TNFRSF10A: variants seen among roughly 807,000 people sequenced by gnomAD.
TNFRSF10A encodes the protein TNF receptor superfamily member 10a.
A neutral mutation model predicts 42.8 loss-of-function variants in TNFRSF10A; 44 were observed. The ratio of observed to expected loss-of-function variants is 1.03; its 90% CI spans 0.81 to 1.32. TNFRSF10A has a LOEUF of 1.32. Among genes scored for constraint, TNFRSF10A ranks in the 40% most tolerant of loss-of-function variants. The pLI is 0.00. For missense variants in TNFRSF10A, 680 were observed against 602.0 expected, an observed-to-expected ratio of 1.13 and a Z score of -1.36; for synonymous variants, 259 against 234.2, an observed-to-expected ratio of 1.11 and a Z score of -0.97.
At position 23,202,761 on chromosome 8, in the gene TNFRSF10A, C is replaced by T; in HGVS notation, c.404G>A (p.Gly135Glu). The part of the protein sequence containing the change: ...HSPLGELCPP[G>E]SHRSEHPGAC... Reference sequence around the variant, plus strand: ...TCCAGGATGTTCTGATCTATGAGATCCTGGGAAGGGAGAGAAAAGCCAATG... The same window carrying T: ...TCCAGGATGTTCTGATCTATGAGATTCTGGGAAGGGAGAGAAAAGCCAATG... The change falls in exon 3 of 10, where the codon GGA becomes GAA. Residue 135 changes from glycine to glutamate, a missense_variant and splice_region_variant. Coordinates refer to ENST00000221132, the MANE Select transcript of TNFRSF10A (RefSeq NM_003844.4). The T allele has an allele frequency of 6.2e-7, 1 of 1,606,644 alleles. No homozygotes were observed. The highest frequency in any genetic ancestry group is 8.5e-7 in the Non-Finnish European group (1 of 1,173,366).
chr8:23,218,636 A>G (rs1368848358), intron 1 of TNFRSF10A, among the ~76,000 whole-genome samples: 1 of 148,596 alleles, frequency 6.7e-6, no homozygotes, highest in Non-Finnish European at 1.5e-5. Context: ...GCTTTACATG[A>G]CTTCTCAGGT....
intron 1 of TNFRSF10A, among the ~76,000 whole-genome samples, chr8:23,224,130 G>A (rs1461695214): frequency 6.6e-6 from 1 of 151,406 alleles, no homozygotes; most frequent in East Asian, 1.9e-4. Context: ...GAAACCCCGT[G>A]ACTACTAAAA....
chr8:23,199,994 A>G, intron 6 of TNFRSF10A, 77 bp from the exon 7 acceptor site: 2 of 791,426 alleles, frequency 2.5e-6, no homozygotes, highest in Non-Finnish European at 4.1e-6. Flanking sequence ...AGTGTTGGGC[A>G]GGGGTGGGCT....
rs532634964 is a variant in TNFRSF10A at position 23,215,333 on chromosome 8, T to C, written c.307-3121A>G. ...GAGTTCAAGACCAGCCTGGCCAACA[T>C]GGTGAAACCCCGTCTCTACTAAAAA... is the stretch of plus-strand genomic sequence containing the variant. On this transcript the variant is annotated intron_variant, in intron 1 of 9. Transcript: ENST00000221132. Among the ~76,000 whole-genome samples the C allele has an allele frequency of 1.9e-3, 290 of 152,054 alleles. 1 individual carries two copies. Among genetic ancestry groups the C allele is most frequent in the African/African-American group, 6.9e-3 (285 of 41,472 alleles).
intron 9 of TNFRSF10A, among the ~76,000 whole-genome samples, chr8:23,194,520 C>A (rs936056376): frequency 3.3e-5 from 5 of 152,178 alleles, no homozygotes; most frequent in Non-Finnish European, 7.3e-5. Flanking sequence ...ACAAAATGAT[C>A]TTTGAGTCAA....
chr8:23,211,961 T>C (rs1312975180), intron 2 of TNFRSF10A, among the ~76,000 whole-genome samples, 155 bp downstream of exon 2: 2 of 152,234 alleles, frequency 1.3e-5, no homozygotes, highest in Non-Finnish European at 2.9e-5. Context: ...TCAATAAGTA[T>C]CTGTTGAATA....
At chr8:23,216,510 G>A (rs1002138811) in intron 1 of TNFRSF10A, among the ~76,000 whole-genome samples, 13 of 152,102 alleles carry the variant, frequency 8.5e-5, no homozygotes, top group African/African-American at 2.9e-4. Flanking sequence ...TTGGGAGGCC[G>A]AGGTGGGTGG....
intron 7 of TNFRSF10A, 99 bp downstream of exon 7, chr8:23,199,787 G>T: frequency 1.3e-6 from 2 of 1,530,002 alleles, no homozygotes; most frequent in Non-Finnish European, 9.1e-7. Flanking sequence ...ACTCAGGGCA[G>T]CCATGAGAGC....
intron 1 of TNFRSF10A, among the ~76,000 whole-genome samples, chr8:23,213,436 C>CTTTTTTTTTTGTTTTTT (rs1801118675): frequency 1.5e-5 from 1 of 68,668 alleles, no homozygotes; most frequent in Non-Finnish European, 2.6e-5. Flanking sequence ...GTTTGCTCCT[C>CTTTTTTTTTTGTTTTTT]TTTTTTTTTT....
chr8:23,220,023 T>C (rs746844020), intron 1 of TNFRSF10A, among the ~76,000 whole-genome samples: 4 of 152,094 alleles, frequency 2.6e-5, no homozygotes, highest in Non-Finnish European at 5.9e-5. Context: ...CTCTGTAAAA[T>C]GTGATGATTC....
intron 2 of TNFRSF10A, among the ~76,000 whole-genome samples, chr8:23,210,683 A>T (rs1411634264): frequency 6.6e-6 from 1 of 152,202 alleles, no homozygotes; most frequent in African/African-American, 2.4e-5. Context: ...CTCCATCTCA[A>T]AAACAAAAAA....
intron 1 of TNFRSF10A, among the ~76,000 whole-genome samples, chr8:23,219,016 A>G (rs900910690): frequency 2.0e-5 from 3 of 151,768 alleles, no homozygotes; most frequent in Non-Finnish European, 4.4e-5. Flanking sequence ...CACCAATACC[A>G]TGACCTGGGG....
intron 8 of TNFRSF10A, among the ~76,000 whole-genome samples, chr8:23,198,995 C>G (rs1184407995): frequency 6.6e-6 from 1 of 152,222 alleles, no homozygotes; most frequent in Non-Finnish European, 1.5e-5. Flanking sequence ...GACCGTGCAG[C>G]CTTATTCAGT....
At chr8:23,212,283 T>G in intron 1 of TNFRSF10A, 71 bp from the exon 2 acceptor site, 2 of 1,341,516 alleles carry the variant, frequency 1.5e-6, no homozygotes, top group Non-Finnish European at 2.1e-6. Context: ...AATCTCACAT[T>G]CCATTCCCCC....
intron 1 of TNFRSF10A, among the ~76,000 whole-genome samples, chr8:23,213,205 A>C (rs1222082510): frequency 6.6e-6 from 1 of 151,922 alleles, no homozygotes; most frequent in Non-Finnish European, 1.5e-5. Flanking sequence ...ATTTTTTATA[A>C]TCCTTTGGAT....
At chr8:23,217,898 G>A (rs1215799597) in intron 1 of TNFRSF10A, among the ~76,000 whole-genome samples, 1 of 152,234 alleles carries the variant, frequency 6.6e-6, no homozygotes, top group African/African-American at 2.4e-5. Flanking sequence ...CCAGGCAGAG[G>A]TGACAAATGC....
At chr8:23,192,831 C>T (rs916170827) in intron 9 of TNFRSF10A, among the ~76,000 whole-genome samples, 33 of 152,104 alleles carry the variant, frequency 2.2e-4, no homozygotes, top group Non-Finnish European at 3.5e-4. Context: ...TGGTCCTTAA[C>T]GACTGGAAAC....
chr8:23,200,159 G>A (rs2128847613), intron 6 of TNFRSF10A, among the ~76,000 whole-genome samples: 1 of 152,354 alleles, frequency 6.6e-6, no homozygotes, highest in Admixed American at 6.5e-5. Context: ...GTTTTGCTCT[G>A]AACAAAGCTA....
chr8:23,221,610 C>T (rs901394731), intron 1 of TNFRSF10A, among the ~76,000 whole-genome samples: 3 of 152,134 alleles, frequency 2.0e-5, no homozygotes, highest in South Asian at 2.1e-4. Flanking sequence ...ACAGGCATGG[C>T]GGGTGGCAGG....
Sources: allele counts gnomAD v4.1 joint callset (sites outside exome capture counted in the v4.1 genomes callset), GRCh38; gene constraint gnomAD v4.1.1; transcripts MANE v1.5; gene names NCBI Gene and HGNC (gene_info 2026-07-23, HGNC 2026-07-21).